Variants in ACOXL observed in about 807,000 individuals in gnomAD.
ACOXL encodes the protein acyl-coenzyme A oxidase-like protein.
ACOXL carries 70 observed loss-of-function variants against 71.9 expected under a neutral mutation model. The ratio of observed to expected loss-of-function variants is 0.97; its 90% CI spans 0.80 to 1.19. The LOEUF is 1.19. ACOXL is among the 50% of genes most tolerant of loss of function. ACOXL has a pLI of 0.00. For missense variants in ACOXL, 703 were observed against 736.3 expected (o/e 0.95, Z 0.52); for synonymous variants, 253 against 281.6 (o/e 0.90, Z 1.02).
intron 14 of ACOXL, among the ~76,000 whole-genome samples, chr2:111,009,414 T>C (rs1001742502): frequency 6.6e-6 from 1 of 151,288 alleles, no homozygotes; most frequent in African/African-American, 2.4e-5. Flanking sequence ...CTCAGGAGGC[T>C]GAGGCAGGAG....
At chr2:111,101,676 T>G (rs1001738922) in intron 17 of ACOXL, among the ~76,000 whole-genome samples, 1 of 151,500 alleles carries the variant, frequency 6.6e-6, no homozygotes, top group Non-Finnish European at 1.5e-5. Context: ...AAAAACTGTT[T>G]CCCTCACCTC....
intron 1 of ACOXL, among the ~76,000 whole-genome samples, chr2:110,758,906 T>C (rs1406488842): frequency 6.6e-6 from 1 of 152,254 alleles, no homozygotes; most frequent in East Asian, 1.9e-4. Context: ...AAAGAACTTC[T>C]TGATTTCTGC....
chr2:111,045,077 A>G (rs1473818003), intron 15 of ACOXL, among the ~76,000 whole-genome samples: 1 of 152,212 alleles, frequency 6.6e-6, no homozygotes, highest in Non-Finnish European at 1.5e-5. Context: ...CATGAACAGT[A>G]CTGGGACACT....
At chr2:111,012,954 A>G (rs2149676420) in intron 14 of ACOXL, among the ~76,000 whole-genome samples, 1 of 152,346 alleles carries the variant, frequency 6.6e-6, no homozygotes, top group Middle Eastern at 3.4e-3. Context: ...ATGAGAGATA[A>G]TGAAATAGAA....
At chr2:110,892,269 G>A (rs1698007920) in intron 10 of ACOXL, among the ~76,000 whole-genome samples, 1 of 152,138 alleles carries the variant, frequency 6.6e-6, no homozygotes, top group African/African-American at 2.4e-5. Context: ...AACAGATGGT[G>A]GTGAAATCTG....
chr2:110,779,141 C>A (rs1333583101), intron 2 of ACOXL, among the ~76,000 whole-genome samples: 1 of 152,194 alleles, frequency 6.6e-6, no homozygotes, highest in Non-Finnish European at 1.5e-5. Flanking sequence ...TATCTTTAGA[C>A]AGAGCCATGG....
intron 17 of ACOXL, chr2:111,115,613 TAA>T (rs1472885114): frequency 1.3e-5 from 2 of 152,150 alleles, no homozygotes; most frequent in Non-Finnish European, 2.9e-5. Context: ...AAACAATAAC[TAA>T]GAGTCAAACA....
chr2:110,785,203 T>C (rs1230623717), intron 3 of ACOXL, among the ~76,000 whole-genome samples: 1 of 152,202 alleles, frequency 6.6e-6, no homozygotes, highest in Non-Finnish European at 1.5e-5. Flanking sequence ...GAAATAATAA[T>C]GCTCACAGAA....
chr2:110,908,906 G>A lies in ACOXL; in HGVS notation c.905+1G>A. On this transcript the variant is annotated splice_donor_variant, in intron 11 of 17. Coordinates refer to ENST00000439055, the MANE Select transcript of ACOXL (RefSeq NM_001142807.4). LOFTEE classifies it high-confidence loss of function. Reference sequence around the variant, plus strand: ...CCTTGGCCCTGACCTTCGTCAGCAGGTGAGATGGCTCTCAGGGTTTGCTCT... The same window carrying A: ...CCTTGGCCCTGACCTTCGTCAGCAGATGAGATGGCTCTCAGGGTTTGCTCT... 6.2e-7 allele frequency: 1 copy of A among 1,612,074 alleles called. No homozygotes were observed. Among genetic ancestry groups the A allele is most frequent in the Non-Finnish European group, 8.5e-7 (1 of 1,178,442 alleles).
chr2:111,052,850 C>T (rs1174053604), intron 16 of ACOXL, among the ~76,000 whole-genome samples: 1 of 152,054 alleles, frequency 6.6e-6, no homozygotes, highest in Admixed American at 6.5e-5. Flanking sequence ...TTCTGTCCTC[C>T]CACCCCCCCA....
At position 111,013,081 on chromosome 2, in the gene ACOXL, C is replaced by T. The variant is rs62161544; in HGVS notation, c.1281+17077C>T. ...AAAAAGATAAAGTACAAATTAACAACGTCAAGAATGAAAGCGGATATTATA... is the reference window on the plus strand; with the variant it reads ...AAAAAGATAAAGTACAAATTAACAATGTCAAGAATGAAAGCGGATATTATA... On this transcript the variant is annotated intron_variant, in intron 14 of 17. Transcript: ENST00000439055. Among the ~76,000 whole-genome samples, 13 of 152,220 alleles carry T rather than the reference C, an allele frequency of 8.5e-5. No individual in the cohort carries two copies. In the East Asian group the frequency reaches 1.2e-3, roughly 14 times the overall value.
chr2:110,899,759 CA>C lies in ACOXL; in HGVS notation c.789-9029del, dbSNP rs2059153083. ...TTTTAAAAAAAATCTCAAGGAATCA[CA>C]GTTCTGACGACTAACATTAACCACT... On this transcript the variant is annotated intron_variant, in intron 10 of 17. Transcript: ENST00000439055. Among the ~76,000 whole-genome samples the C allele has an allele frequency of 2.0e-5, 3 of 152,286 alleles. No individual in the cohort carries two copies. In the South Asian group the frequency reaches 6.2e-4, roughly 32 times the overall value.
intron 10 of ACOXL, among the ~76,000 whole-genome samples, chr2:110,842,458 G>A (rs542894773): frequency 6.6e-6 from 1 of 152,158 alleles, no homozygotes; most frequent in East Asian, 1.9e-4. Context: ...ACTAGAGAAA[G>A]CATGCACATT....
rs558128233 is a variant in ACOXL, at chr2:111,108,443, A to G, written c.1543-9173A>G. On this transcript the variant is annotated intron_variant, in intron 17 of 17. Coordinates refer to ENST00000439055, the MANE Select transcript of ACOXL (RefSeq NM_001142807.4). Reference sequence around the variant, plus strand: ...GCCGAGGCTGGAGTGCAATGGCACAATCTTGGCTCACCTCAACCTCTGCCT... The same window carrying G: ...GCCGAGGCTGGAGTGCAATGGCACAGTCTTGGCTCACCTCAACCTCTGCCT... Among the ~76,000 whole-genome samples, 31 of 129,336 alleles carry G rather than the reference A, an allele frequency of 2.4e-4. No homozygotes were observed. The South Asian group carries it at 7.5e-3, about 31-fold the overall frequency. 84.8% of individuals were successfully genotyped at this position (129,336 alleles called of 152,430 possible).
chr2:111,006,731 G>T (rs2063892650), intron 14 of ACOXL, among the ~76,000 whole-genome samples: 1 of 151,858 alleles, frequency 6.6e-6, no homozygotes, highest in Non-Finnish European at 1.5e-5. Context: ...GCTAATTTTT[G>T]TATTTTTAGT....
At chr2:111,033,454 A>C (rs938857805) in intron 15 of ACOXL, among the ~76,000 whole-genome samples, 2 of 152,178 alleles carry the variant, frequency 1.3e-5, no homozygotes, top group Non-Finnish European at 2.9e-5. Flanking sequence ...GATAGAATTC[A>C]GTTATAATTA....
At chr2:110,799,201 G>A (rs1685644846) in intron 7 of ACOXL, 101 bp downstream of exon 7, 1 of 1,256,828 alleles carries the variant, frequency 8.0e-7, no homozygotes, top group Admixed American at 1.8e-5. Context: ...AAGCACTGAG[G>A]GTGGAGAAAA....
intron 16 of ACOXL, among the ~76,000 whole-genome samples, chr2:111,060,211 G>T (rs114580475): frequency 0.014 from 2,064 of 152,274 alleles, 66 homozygotes; most frequent in African/African-American, 0.047. Context: ...CATCTGGGGA[G>T]CCTGGACTTC....
intron 8 of ACOXL, among the ~76,000 whole-genome samples, chr2:110,801,941 T>C (rs939773149): frequency 6.6e-6 from 1 of 152,242 alleles, no homozygotes; most frequent in East Asian, 1.9e-4. Flanking sequence ...ATAATGACTG[T>C]TACACTTCAA....
Sources: gnomAD v4.1 joint callset for allele counts (sites outside exome capture counted in the v4.1 genomes callset) on GRCh38, gnomAD v4.1.1 for gene constraint, MANE v1.5 for transcripts, NCBI Gene and HGNC (gene_info 2026-07-23, HGNC 2026-07-21) for gene names.